The following DPM2 variants were observed in gnomAD, a reference collection of about 807,000 sequenced individuals.
DPM2 encodes the protein dolichyl-phosphate mannosyltransferase subunit 2, regulatory.
In DPM2, 8 loss-of-function variants were observed where a neutral mutation model predicts 12.1. That is an observed-to-expected ratio of 0.66 (90% CI 0.39 to 1.19). The LOEUF is 1.19. Ranked by LOEUF, DPM2 falls within the 50% of genes most tolerant of loss-of-function variation. The pLI, the probability that DPM2 is intolerant of heterozygous loss-of-function variation, is 0.01. For missense variants in DPM2, 93 were observed against 102.5 expected, an observed-to-expected ratio of 0.91 and a Z score of 0.40; for synonymous variants, 38 against 44.7, an observed-to-expected ratio of 0.85 and a Z score of 0.60.
chr9:127,936,666 G>A lies in DPM2; in HGVS notation c.94-11C>T, dbSNP rs767017797. Reference sequence around the variant, plus strand: ...ACTGTCGATGAATGGCTGGCATCGAGGGAAGAGCTCTGGTGTGTCTTGCTT... The same window carrying A: ...ACTGTCGATGAATGGCTGGCATCGAAGGAAGAGCTCTGGTGTGTCTTGCTT... On this transcript the variant is annotated splice_polypyrimidine_tract_variant and intron_variant, in intron 2 of 3. Transcript: ENST00000314392. The A allele has an allele frequency of 1.3e-6, 2 of 1,493,946 alleles. No individual in the cohort carries two copies. Among genetic ancestry groups the A allele is most frequent in the Non-Finnish European group, 8.9e-7 (1 of 1,122,578 alleles). 92.5% of individuals were successfully genotyped at this position (1,493,946 alleles called of 1,614,324 possible).
intron 3 of DPM2, chr9:127,936,054 G>A (rs550319077): frequency 9.5e-5 from 56 of 590,158 alleles, no homozygotes; most frequent in African/African-American, 8.4e-4. Context: ...TCGATCACCC[G>A]GTCAACCACT....
rs779093563 is a variant in DPM2 at position 127,936,603 on chromosome 9, T to A, written c.146A>T (p.Tyr49Phe). ...TGCAGCCAGTGGGATGGCGACAGCA[T>A]AGGCTCGGGGCAGGAAATACTTGTG... ...VIHKYFLPRA[Y>F]AVAIPLAAGL... is the part of the protein sequence containing the mutation. Residue 49 changes from tyrosine (Y) to phenylalanine (F), a missense_variant, in exon 3 of 4, where the codon TAT (tyrosine) becomes TTT (phenylalanine). Physicochemically the swap from Tyr to Phe is conservative, Grantham distance 22. Coordinates refer to ENST00000314392, the MANE Select transcript of DPM2 (RefSeq NM_003863.4). 1.3e-6 allele frequency: 2 copies of A among 1,543,312 alleles called. No homozygotes were observed. The highest frequency in any genetic ancestry group is 4.0e-5 in the Admixed American group (2 of 49,948).
At chr9:127,935,962 A>C (rs953422358) in intron 3 of DPM2, 182 bp from the exon 4 acceptor site, 3 of 624,628 alleles carry the variant, frequency 4.8e-6, no homozygotes, top group Non-Finnish European at 5.6e-6. Flanking sequence ...TTCACTCAAC[A>C]AACACCAACT....
chr9:127,937,487 C>T lies in DPM2; in HGVS notation c.40G>A (p.Val14Ile). The T allele has an allele frequency of 6.2e-7, 1 of 1,614,014 alleles. No homozygotes were observed. Among genetic ancestry groups the T allele is most frequent in the Middle Eastern group, 1.6e-4 (1 of 6,062 alleles). ...GTDQVVGLGLVAVSLIIFTYY... is the reference protein window; with the variant it reads ...GTDQVVGLGLIAVSLIIFTYY... Reference sequence around the variant, plus strand: ...GTGAAGATGATCAGGCTAACGGCGACGAGGCCGAGTCCCACCACCTGGTCT... The same window carrying T: ...GTGAAGATGATCAGGCTAACGGCGATGAGGCCGAGTCCCACCACCTGGTCT... The change falls in exon 2 of 4, where the codon GTC becomes ATC. Residue 14 changes from valine (V) to isoleucine (I), a missense_variant. Physicochemically the swap from Val to Ile is conservative, Grantham distance 29. Transcript: ENST00000314392.
At position 127,937,418 on chromosome 9, in the gene DPM2, G is replaced by C. The variant is rs771787316; in HGVS notation, c.93+16C>G. ...GGCTCGGGGAAGGTGAGCAGCGGAC[G>C]GGGAGAATGACATACCAAGAGAATC... On this transcript the variant is annotated intron_variant, in intron 2 of 3. Transcript: ENST00000314392. 6 of 1,603,790 alleles carry C rather than the reference G, an allele frequency of 3.7e-6. No individual in the cohort carries two copies. The highest frequency in any genetic ancestry group is 5.1e-6 in the Non-Finnish European group (6 of 1,172,310).
intron 1 of DPM2, 131 bp from the exon 2 acceptor site, chr9:127,937,654 A>G (rs1338633880): frequency 9.1e-6 from 11 of 1,212,804 alleles, no homozygotes; most frequent in African/African-American, 1.5e-5. Context: ...ACTAGGGATC[A>G]GTTTCTAGGC....
chr9:127,936,664 G>A lies in DPM2; in HGVS notation c.94-9C>T, dbSNP rs373340697. 98 of 1,493,928 alleles carry A rather than the reference G, an allele frequency of 6.6e-5. No individual in the cohort carries two copies. Among genetic ancestry groups the A allele is most frequent in the Non-Finnish European group, 8.3e-5 (93 of 1,122,474 alleles). 92.5% of individuals were successfully genotyped at this position (1,493,928 alleles called of 1,614,324 possible). ...TGACTGTCGATGAATGGCTGGCATCGAGGGAAGAGCTCTGGTGTGTCTTGC... is the reference window on the plus strand; with the variant it reads ...TGACTGTCGATGAATGGCTGGCATCAAGGGAAGAGCTCTGGTGTGTCTTGC... On this transcript the variant is annotated splice_polypyrimidine_tract_variant and intron_variant, in intron 2 of 3. Coordinates refer to ENST00000314392, the MANE Select transcript of DPM2 (RefSeq NM_003863.4).
chr9:127,936,133 C>A, intron 3 of DPM2: 2 of 724,802 alleles, frequency 2.8e-6, no homozygotes, highest in Non-Finnish European at 2.2e-6. Flanking sequence ...ATCCACCCAT[C>A]ATCCAGGCAC....
At chr9:127,937,059 T>C (rs867977092) in intron 2 of DPM2, 21 of 271,444 alleles carry the variant, frequency 7.7e-5, no homozygotes, top group African/African-American at 3.9e-4. Flanking sequence ...TCTTAAGCAA[T>C]AACCAACAAG....
intron 2 of DPM2, 120 bp downstream of exon 2, chr9:127,937,314 G>C: frequency 1.4e-6 from 1 of 727,082 alleles, no homozygotes; most frequent in South Asian, 1.8e-5. Context: ...AGTTGTTCTG[G>C]AGAGTTCAAG....
At chr9:127,936,790 C>T (rs938247754) in intron 2 of DPM2, 135 bp from the exon 3 acceptor site, 8 of 728,786 alleles carry the variant, frequency 1.1e-5, no homozygotes, top group East Asian at 3.3e-5. Context: ...TTTAAGATTA[C>T]GGCATTTGGG....
In DPM2 at chr9:127,936,602, A is replaced by T. The variant is rs563602779; in HGVS notation, c.147T>A (p.Tyr49Ter). 3 of 1,545,086 alleles carry T rather than the reference A, an allele frequency of 1.9e-6. No individual in the cohort carries two copies. In the Admixed American group the frequency reaches 6.0e-5, roughly 31 times the overall value. The change falls in exon 3 of 4, where the codon TAT becomes TAA. Residue 49 changes from tyrosine to a stop codon, truncating the protein, a stop_gained. Coordinates refer to ENST00000314392, the MANE Select transcript of DPM2 (RefSeq NM_003863.4). LOFTEE classifies it high-confidence loss of function. ...CTGCAGCCAGTGGGATGGCGACAGCATAGGCTCGGGGCAGGAAATACTTGT... is the reference window on the plus strand; with the variant it reads ...CTGCAGCCAGTGGGATGGCGACAGCTTAGGCTCGGGGCAGGAAATACTTGT... ...VIHKYFLPRA[Y>*]AVAIPLAAGL... is the part of the protein sequence containing the mutation.
In DPM2 at chr9:127,935,676, G is replaced by A. The variant is rs1370250303; in HGVS notation, c.*46C>T. Reference sequence around the variant, plus strand: ...GCTCCCCCACTTGGTCCCTGTGCTGGAGGGGAAGCAGAGAAGGGGCTGGCA... The same window carrying A: ...GCTCCCCCACTTGGTCCCTGTGCTGAAGGGGAAGCAGAGAAGGGGCTGGCA... On this transcript the variant is annotated 3_prime_UTR_variant, in exon 4 of 4. Coordinates refer to ENST00000314392, the MANE Select transcript of DPM2 (RefSeq NM_003863.4). 3.7e-6 allele frequency: 6 copies of A among 1,606,090 alleles called. No homozygotes were observed. The highest frequency in any genetic ancestry group is 1.3e-5 in the African/African-American group (1 of 74,778).
In DPM2 at chr9:127,936,398, G is replaced by A. The variant is rs1429013758; in HGVS notation, c.196+155C>T. ...GCCTGGGGCACCAGGAAACCCAGAG[G>A]TTACTGACTGGCAGCCTCGAAGGAT... On this transcript the variant is annotated intron_variant, in intron 3 of 3. Coordinates refer to ENST00000314392, the MANE Select transcript of DPM2 (RefSeq NM_003863.4). 5.7e-6 allele frequency: 9 copies of A among 1,565,394 alleles called. No homozygotes were observed. In the African/African-American group the frequency reaches 9.5e-5, roughly 17 times the overall value.
At chr9:127,937,653 C>CCG in intron 1 of DPM2, 130 bp from the exon 2 acceptor site, 1 of 1,210,682 alleles carries the variant, frequency 8.3e-7, no homozygotes, top group Non-Finnish European at 1.2e-6. Flanking sequence ...GACTAGGGAT[C>CCG]AGTTTCTAGG....
intron 1 of DPM2, 115 bp from the exon 2 acceptor site, chr9:127,937,638 G>C: frequency 5.8e-6 from 7 of 1,203,012 alleles, no homozygotes; most frequent in Non-Finnish European, 7.3e-6. Context: ...AGATGGTAGA[G>C]GGCTGACTAG....
chr9:127,937,347 AG>A, intron 2 of DPM2, 86 bp downstream of exon 2: 1 of 1,018,888 alleles, frequency 9.8e-7, no homozygotes, highest in Non-Finnish European at 1.5e-6. Context: ...CAATGAAGCC[AG>A]CGCCGTGCCT....
At chr9:127,936,756 G>T in intron 2 of DPM2, 101 bp from the exon 3 acceptor site, 1 of 995,828 alleles carries the variant, frequency 1.0e-6, no homozygotes. Flanking sequence ...CCCATTCAGA[G>T]GACTGGGACT....
chr9:127,937,798 G>A lies in DPM2; in HGVS notation c.3+20C>T. Reference sequence around the variant, plus strand: ...CCACCCCCAGACGCCCCTATCTCCGGCACACGGTGCCAATCTCACCATTTC... The same window carrying A: ...CCACCCCCAGACGCCCCTATCTCCGACACACGGTGCCAATCTCACCATTTC... On this transcript the variant is annotated intron_variant, in intron 1 of 3. Transcript: ENST00000314392. The A allele has an allele frequency of 1.2e-6, 2 of 1,610,244 alleles. No individual in the cohort carries two copies. Among genetic ancestry groups the A allele is most frequent in the South Asian group, 1.1e-5 (1 of 90,582 alleles).
Sources: gnomAD v4.1 joint callset for allele counts on GRCh38, gnomAD v4.1.1 for gene constraint, MANE v1.5 for transcripts, NCBI Gene and HGNC (gene_info 2026-07-23, HGNC 2026-07-21) for gene names.